Variants in ZNG1A observed in about 807,000 individuals in gnomAD.
The protein encoded by ZNG1A is zinc-regulated GTPase metalloprotein activator 1A.
the ZNG1A span, chr9:156,574 A>C: frequency 6.3e-7 from 1 of 1,581,252 alleles, no homozygotes; most frequent in African/African-American, 1.3e-5. Context: ...ACAATAAAAA[A>C]TCTAATGTCA....
the ZNG1A span, among the ~76,000 whole-genome samples, chr9:167,932 AC>A: frequency 8.7e-6 from 1 of 115,482 alleles, no homozygotes; most frequent in Non-Finnish European, 1.8e-5. Flanking sequence ...TGATAATAAA[AC>A]AGCCTTATTG....
At chr9:170,772 T>G in the ZNG1A span, among the ~76,000 whole-genome samples, 1 of 144,798 alleles carries the variant, frequency 6.9e-6, no homozygotes, top group Non-Finnish European at 1.5e-5. Flanking sequence ...TTACAATGAA[T>G]GTTCCATCTT....
the ZNG1A span, among the ~76,000 whole-genome samples, chr9:140,583 T>G: frequency 1.3e-5 from 2 of 151,800 alleles, no homozygotes; most frequent in African/African-American, 2.4e-5. Flanking sequence ...GCAGAAAAAC[T>G]GGAAACTCTA....
chr9:126,824 G>A, the ZNG1A span, among the ~76,000 whole-genome samples: 4 of 151,964 alleles, frequency 2.6e-5, no homozygotes, highest in Non-Finnish European at 2.9e-5. Context: ...AGGCGCTCAG[G>A]GCCGTGAACC....
chr9:174,615 A>G, the ZNG1A span, among the ~76,000 whole-genome samples: 1 of 151,172 alleles, frequency 6.6e-6, no homozygotes, highest in Non-Finnish European at 1.5e-5. Flanking sequence ...ATTTTTGCCT[A>G]AAAAGCACTT....
chr9:161,566 C>T, the ZNG1A span: 2 of 1,286,172 alleles, frequency 1.6e-6, no homozygotes, highest in Non-Finnish European at 2.0e-6. Context: ...CAAGAACTTA[C>T]TGCTTTGGGC....
chr9:173,599 T>G, the ZNG1A span, among the ~76,000 whole-genome samples: 2 of 152,138 alleles, frequency 1.3e-5, no homozygotes, highest in Admixed American at 1.3e-4. Context: ...CTGATAAACA[T>G]ACCTACTTCC....
At chr9:171,815 C>T in the ZNG1A span, 843 of 463,072 alleles carry the variant, frequency 1.8e-3, 11 homozygotes, top group South Asian at 0.019. Flanking sequence ...TTATTTTTAA[C>T]AACTTCTGTT....
At chr9:170,146 A>G in the ZNG1A span, among the ~76,000 whole-genome samples, 1 of 147,670 alleles carries the variant, frequency 6.8e-6, no homozygotes, top group South Asian at 2.2e-4. Context: ...TGTACAGTAT[A>G]AGAATCACCT....
the ZNG1A span, chr9:160,270 T>C: frequency 6.8e-6 from 3 of 440,048 alleles, no homozygotes; most frequent in Non-Finnish European, 1.4e-5. Flanking sequence ...TCAGCTTTAC[T>C]TGTGATGGGC....
At chr9:130,004 G>A in the ZNG1A span, among the ~76,000 whole-genome samples, 1 of 150,546 alleles carries the variant, frequency 6.6e-6, no homozygotes, top group East Asian at 1.9e-4. Context: ...CAGCATATAT[G>A]TTACTGTACT....
chr9:169,167 G>C, the ZNG1A span, among the ~76,000 whole-genome samples: 1 of 152,134 alleles, frequency 6.6e-6, no homozygotes, highest in East Asian at 1.9e-4. Flanking sequence ...TGATTCATGG[G>C]AGATCAAAGT....
chr9:157,062 A>AAC, the ZNG1A span, among the ~76,000 whole-genome samples: 1 of 133,516 alleles, frequency 7.5e-6, no homozygotes, highest in Non-Finnish European at 1.6e-5. Flanking sequence ...TAGGCCTTTC[A>AAC]AACACCCTAG....
At chr9:140,419 G>T in the ZNG1A span, among the ~76,000 whole-genome samples, 3 of 151,166 alleles carry the variant, frequency 2.0e-5, no homozygotes, top group African/African-American at 7.4e-5. Context: ...ACCTCACACG[G>T]CCGGGTACTC....
chr9:147,496 A>G, the ZNG1A span: 1 of 124,902 alleles, frequency 8.0e-6, no homozygotes, highest in African/African-American at 3.9e-5. Context: ...TTAGATTACG[A>G]ATGCTTGTCT....
chr9:172,216 T>C, the ZNG1A span: 1 of 1,605,350 alleles, frequency 6.2e-7, no homozygotes, highest in Non-Finnish European at 8.5e-7. Context: ...TACCTAAATA[T>C]TTTGAAGTGA....
At chr9:133,262 T>G in the ZNG1A span, among the ~76,000 whole-genome samples, 1 of 116,222 alleles carries the variant, frequency 8.6e-6, no homozygotes, top group Non-Finnish European at 1.8e-5. Context: ...TTTTCCCCTA[T>G]GTTTATATTA....
the ZNG1A span, chr9:160,110 A>T: frequency 2.2e-6 from 1 of 454,682 alleles, no homozygotes; most frequent in Non-Finnish European, 4.4e-6. Context: ...CAGAATAGAG[A>T]GCTGTCATTT....
At chr9:158,068 T>A in the ZNG1A span, among the ~76,000 whole-genome samples, 100,560 of 134,418 alleles carry the variant, frequency 0.75, 37,883 homozygotes, top group South Asian at 0.79. Flanking sequence ...TGTATCAAAA[T>A]TCATTCCATG....
Sources: allele counts gnomAD v4.1 joint callset (sites outside exome capture counted in the v4.1 genomes callset), GRCh38; gene constraint gnomAD v4.1.1; transcripts MANE v1.5; gene names NCBI Gene and HGNC (gene_info 2026-07-23, HGNC 2026-07-21).